Variants in SLC25A26 observed in about 807,000 individuals in gnomAD.
The protein encoded by SLC25A26 is solute carrier family 25 member 26, also known as mitochondrial S-adenosylmethionine carrier protein.
SLC25A26 carries 36 observed loss-of-function variants against 37.8 expected under a neutral mutation model. The observed-to-expected ratio is 0.95, with a 90% CI of 0.73 to 1.26. SLC25A26 has a LOEUF of 1.26. Ranked by LOEUF, SLC25A26 falls within the 50% of genes most tolerant of loss-of-function variation. SLC25A26 has a pLI of 0.00. For missense variants in SLC25A26, 390 were observed against 331.1 expected (o/e 1.18, Z -1.38); for synonymous variants, 129 against 122.5 (o/e 1.05, Z -0.35).
intron 1 of SLC25A26, among the ~76,000 whole-genome samples, chr3:66,179,720 T>G (rs1176751429): frequency 6.6e-6 from 1 of 151,490 alleles, no homozygotes; most frequent in African/African-American, 2.4e-5. Flanking sequence ...TTACTGGGCT[T>G]TTTTTTTTCT....
chr3:66,169,198 G>A (rs1315017123), intron 1 of SLC25A26, among the ~76,000 whole-genome samples: 2 of 152,180 alleles, frequency 1.3e-5, no homozygotes, highest in African/African-American at 4.8e-5. Flanking sequence ...TGCAGGACCA[G>A]AGTGTTCTTA....
chr3:66,233,927 A>G (rs1045456827), intron 1 of SLC25A26, among the ~76,000 whole-genome samples: 1 of 152,228 alleles, frequency 6.6e-6, no homozygotes, highest in African/African-American at 2.4e-5. Flanking sequence ...AAAATTTAGC[A>G]GTAGATAGCA....
At chr3:66,335,797 T>C (rs1482404437) in intron 5 of SLC25A26, among the ~76,000 whole-genome samples, 3 of 152,290 alleles carry the variant, frequency 2.0e-5, no homozygotes, top group African/African-American at 7.2e-5. Flanking sequence ...AATTGGTCCA[T>C]GCTGCATTAC....
intron 5 of SLC25A26, among the ~76,000 whole-genome samples, chr3:66,338,594 T>A (rs1031048077): frequency 2.0e-5 from 3 of 152,046 alleles, no homozygotes; most frequent in Admixed American, 6.5e-5. Context: ...AGATTCAGTA[T>A]CATTAATTAC....
intron 9 of SLC25A26, among the ~76,000 whole-genome samples, chr3:66,377,297 C>T (rs964983825): frequency 6.6e-6 from 1 of 152,016 alleles, no homozygotes; most frequent in African/African-American, 2.4e-5. Context: ...AACTCGTTGT[C>T]GTGACGTCAT....
chr3:66,142,694 G>GT lies in SLC25A26; in HGVS notation c.-354+8717dup, dbSNP rs538582106. Reference sequence around the variant, plus strand: ...AGCACAAAAATGCATAGGTTTCCCTGTTTTTTTGGTTTTTCATTTAAAAAG... The same window carrying GT: ...AGCACAAAAATGCATAGGTTTCCCTGTTTTTTTTGGTTTTTCATTTAAAAAG... On this transcript the variant is annotated intron_variant, in intron 1 of 10. Coordinates refer to the SLC25A26 transcript ENST00000676754. Among the ~76,000 whole-genome samples, 7 of 152,130 alleles carry GT rather than the reference G, an allele frequency of 4.6e-5. No homozygotes were observed. In the East Asian group the frequency reaches 9.7e-4, roughly 21 times the overall value.
At chr3:66,263,957 C>T (rs1156300851) in intron 5 of SLC25A26, among the ~76,000 whole-genome samples, 1 of 152,086 alleles carries the variant, frequency 6.6e-6, no homozygotes, top group East Asian at 2.0e-4. Flanking sequence ...CGCGCCCGGC[C>T]TCCCGGCCTC....
At chr3:66,281,908 C>T (rs1352841424) in intron 5 of SLC25A26, among the ~76,000 whole-genome samples, 9 of 150,732 alleles carry the variant, frequency 6.0e-5, no homozygotes, top group East Asian at 3.9e-4. Flanking sequence ...CTGCAACCTC[C>T]GCCTCCCAGG....
At chr3:66,175,277 T>A (rs1352885657) in intron 1 of SLC25A26, among the ~76,000 whole-genome samples, 1 of 151,970 alleles carries the variant, frequency 6.6e-6, no homozygotes, top group African/African-American at 2.4e-5. Context: ...TAGGCTGAAC[T>A]GTTGTGGCAT....
At chr3:66,257,343 C>G (rs561032190) in intron 3 of SLC25A26, among the ~76,000 whole-genome samples, 3 of 151,952 alleles carry the variant, frequency 2.0e-5, no homozygotes, top group African/African-American at 7.2e-5. Context: ...CAATTTTCTT[C>G]ATTTTAAAAT....
chr3:66,371,504 T>C, intron 9 of SLC25A26: 1 of 1,363,818 alleles, frequency 7.3e-7, no homozygotes, highest in Non-Finnish European at 9.5e-7. Context: ...TAGGTGATAT[T>C]GGATGGTTTT....
chr3:66,230,977 C>G (rs1490322322), intron 1 of SLC25A26, among the ~76,000 whole-genome samples: 1 of 152,148 alleles, frequency 6.6e-6, no homozygotes, highest in Non-Finnish European at 1.5e-5. Flanking sequence ...GAGTTCAAAA[C>G]CAGCCTCGCC....
At chr3:66,249,534 C>T (rs782423698) in intron 3 of SLC25A26, among the ~76,000 whole-genome samples, 1 of 152,124 alleles carries the variant, frequency 6.6e-6, no homozygotes, top group African/African-American at 2.4e-5. Flanking sequence ...AAAATGAGTA[C>T]GTAGTATTCT....
At chr3:66,274,658 C>T (rs1187390105) in intron 5 of SLC25A26, among the ~76,000 whole-genome samples, 1 of 152,224 alleles carries the variant, frequency 6.6e-6, no homozygotes, top group Non-Finnish European at 1.5e-5. Context: ...AAATGCTCAT[C>T]ATCACTGGCC....
chr3:66,378,146 G>A lies in SLC25A26; in HGVS notation c.*339G>A, dbSNP rs182030212. The A allele has an allele frequency of 3.0e-4, 58 of 194,722 alleles. No homozygotes were observed. Among genetic ancestry groups the A allele is most frequent in the African/African-American group, 1.2e-3 (54 of 43,418 alleles). The allele number at this position is 194,722 out of a possible 1,614,324, so 12.1% of individuals were successfully genotyped here. ...CTTTCATTTCCTGCCACCTGATGGT[G>A]GATTCAGCAGAAGGCAAGATGGTTA... On this transcript the variant is annotated 3_prime_UTR_variant, in exon 10 of 10. Transcript: ENST00000354883.
intron 1 of SLC25A26, among the ~76,000 whole-genome samples, chr3:66,183,622 CACAATT>C (rs2070759423): frequency 6.6e-6 from 1 of 152,022 alleles, no homozygotes; most frequent in Admixed American, 6.5e-5. Context: ...CCATGACATT[CACAATT>C]ACTCAGATCC....
At chr3:66,202,929 C>T (rs970773944) in intron 1 of SLC25A26, among the ~76,000 whole-genome samples, 31 of 152,062 alleles carry the variant, frequency 2.0e-4, no homozygotes, top group Non-Finnish European at 4.0e-4. Flanking sequence ...AAATTTAAAA[C>T]GTAAAATTAT....
intron 1 of SLC25A26, among the ~76,000 whole-genome samples, chr3:66,163,532 G>C (rs765912697): frequency 4.6e-5 from 7 of 152,156 alleles, no homozygotes; most frequent in Non-Finnish European, 8.8e-5. Context: ...GCAGTCCCCA[G>C]AACTATTTTG....
chr3:66,257,701 T>C (rs996197487), intron 3 of SLC25A26, among the ~76,000 whole-genome samples: 1 of 152,204 alleles, frequency 6.6e-6, no homozygotes, highest in African/African-American at 2.4e-5. Context: ...TGTGCAAATA[T>C]TGACTGTGTT....
Sources: gnomAD v4.1 joint callset for allele counts (sites outside exome capture counted in the v4.1 genomes callset) on GRCh38, gnomAD v4.1.1 for gene constraint, MANE v1.5 for transcripts, NCBI Gene and HGNC (gene_info 2026-07-23, HGNC 2026-07-21) for gene names.